The following RGS6 variants were observed in gnomAD, a reference collection of about 807,000 sequenced individuals.
RGS6 encodes regulator of G protein signaling 6, also known as regulator of G-protein signaling 6.
A neutral mutation model predicts 78.5 loss-of-function variants in RGS6; 30 were observed. That is an observed-to-expected ratio of 0.38 (90% CI 0.29 to 0.52). The LOEUF (loss-of-function observed/expected upper bound fraction) is 0.52. Ranked by LOEUF, RGS6 falls within the 20% of genes least tolerant of loss-of-function variation. The pLI, the probability that RGS6 is intolerant of heterozygous loss-of-function variation, is 0.85. For missense variants in RGS6, 495 were observed against 609.7 expected, an observed-to-expected ratio of 0.81 and a Z score of 1.98; for synonymous variants, 206 against 206.0, an observed-to-expected ratio of 1.00 and a Z score of 0.00.
At chr14:72,354,248 A>G (rs1386680646) in intron 3 of RGS6, among the ~76,000 whole-genome samples, 1 of 152,120 alleles carries the variant, frequency 6.6e-6, no homozygotes, top group Non-Finnish European at 1.5e-5. Context: ...GTCTGAGATC[A>G]GGTACCATCA....
intron 2 of RGS6, among the ~76,000 whole-genome samples, chr14:72,074,919 G>T (rs1256436030): frequency 2.0e-5 from 3 of 152,176 alleles, no homozygotes; most frequent in Non-Finnish European, 2.9e-5. Flanking sequence ...CTGACTCCAG[G>T]CCCTTTATTT....
the RGS6 span, among the ~76,000 whole-genome samples, chr14:72,572,675 T>A: frequency 0.012 from 1,812 of 152,282 alleles, 37 homozygotes; most frequent in African/African-American, 0.042. Context: ...TCACTGCTGA[T>A]GGGTATGGAG....
At chr14:72,187,175 T>A (rs1441097980) in intron 2 of RGS6, among the ~76,000 whole-genome samples, 2 of 152,330 alleles carry the variant, frequency 1.3e-5, no homozygotes, top group East Asian at 3.9e-4. Flanking sequence ...TTTAAAAAAA[T>A]CTACAGTTAA....
chr14:72,423,637 G>A (rs369723706), intron 3 of RGS6, among the ~76,000 whole-genome samples: 4 of 127,476 alleles, frequency 3.1e-5, no homozygotes, highest in Non-Finnish European at 4.7e-5. Flanking sequence ...TCATGGACAC[G>A]AAGATAATAG....
At chr14:72,324,675 G>C (rs998174181) in intron 2 of RGS6, among the ~76,000 whole-genome samples, 4 of 151,952 alleles carry the variant, frequency 2.6e-5, no homozygotes, top group African/African-American at 4.8e-5. Context: ...TCCCTACAAA[G>C]GACATGAACT....
chr14:72,344,348 G>T (rs929782954), intron 2 of RGS6, among the ~76,000 whole-genome samples: 5 of 152,182 alleles, frequency 3.3e-5, no homozygotes, highest in Admixed American at 1.3e-4. Flanking sequence ...GGCACAGAAC[G>T]TTGGGGAACT....
the RGS6 span, among the ~76,000 whole-genome samples, chr14:72,602,323 A>G: frequency 7.4e-4 from 112 of 152,316 alleles, no homozygotes; most frequent in Middle Eastern, 3.4e-3. Flanking sequence ...AGAGGATGGT[A>G]GGAGAAGGAT....
chr14:72,475,315 AGTG>A (rs2096211945), intron 10 of RGS6, among the ~76,000 whole-genome samples: 1 of 149,128 alleles, frequency 6.7e-6, no homozygotes, highest in African/African-American at 2.5e-5. Context: ...TCAAAGGAGT[AGTG>A]GTCACAGCAT....
At chr14:72,254,970 C>G (rs2056751098) in intron 2 of RGS6, among the ~76,000 whole-genome samples, 1 of 152,122 alleles carries the variant, frequency 6.6e-6, no homozygotes, top group South Asian at 2.1e-4. Context: ...ATGGTGAGGC[C>G]AGATGTGGAT....
intron 2 of RGS6, among the ~76,000 whole-genome samples, chr14:72,050,937 T>C (rs57062333): frequency 6.6e-6 from 1 of 152,216 alleles, no homozygotes. Context: ...ATTGTTTCAC[T>C]TTTGTAGAGG....
intron 17 of RGS6, chr14:72,541,211 C>G: frequency 1.4e-6 from 2 of 1,408,090 alleles, no homozygotes; most frequent in Non-Finnish European, 1.9e-6. Context: ...GAGGAAAATC[C>G]TTGTAAAACC....
chr14:72,216,387 T>C (rs1017016954), intron 2 of RGS6, among the ~76,000 whole-genome samples: 1 of 152,206 alleles, frequency 6.6e-6, no homozygotes, highest in Non-Finnish European at 1.5e-5. Context: ...TTGCCATTTA[T>C]CCTAGCTCCA....
intron 2 of RGS6, among the ~76,000 whole-genome samples, chr14:72,113,008 A>G (rs1213125469): frequency 6.6e-6 from 1 of 152,218 alleles, no homozygotes; most frequent in African/African-American, 2.4e-5. Context: ...AGTGGGGACC[A>G]CGGGAGGGGC....
At chr14:71,958,870 A>C (rs114187912) in intron 1 of RGS6, among the ~76,000 whole-genome samples, 140 of 152,264 alleles carry the variant, frequency 9.2e-4, no homozygotes, top group African/African-American at 3.1e-3. Flanking sequence ...GGGAACCGGG[A>C]GTATGTATAT....
At chr14:72,166,916 TTC>T (rs2096935689) in intron 2 of RGS6, among the ~76,000 whole-genome samples, 1 of 152,238 alleles carries the variant, frequency 6.6e-6, no homozygotes, top group African/African-American at 2.4e-5. Context: ...TTAATTCTCA[TTC>T]TCTCACTTGT....
chr14:72,112,667 G>A (rs2095795782), intron 2 of RGS6, among the ~76,000 whole-genome samples: 2 of 152,172 alleles, frequency 1.3e-5, no homozygotes, highest in Non-Finnish European at 2.9e-5. Flanking sequence ...TCCTATGCAT[G>A]AGGAATGTCA....
intron 2 of RGS6, among the ~76,000 whole-genome samples, chr14:72,348,892 C>G (rs927784499): frequency 2.0e-5 from 3 of 152,192 alleles, no homozygotes; most frequent in Non-Finnish European, 4.4e-5. Context: ...TATGGCCGGG[C>G]GTGGTGGCTC....
At position 72,270,470 on chromosome 14, in the gene RGS6, C is replaced by T. The variant is rs554215767; in HGVS notation, c.85-81625C>T. 1.8e-4 allele frequency among the ~76,000 whole-genome samples: 27 copies of T among 152,348 alleles called. No individual in the cohort carries two copies. In the South Asian group the frequency reaches 5.4e-3, roughly 30 times the overall value. ...CAGCCTTTCAGATGTCACCTGAGGA[C>T]GTTGCTACAATTAACATGCAGCCAG... On this transcript the variant is annotated intron_variant, in intron 2 of 17. Coordinates refer to ENST00000553525, the MANE Select transcript of RGS6 (RefSeq NM_001204424.2).
rs188846683 is a variant in RGS6 at position 72,392,317 on chromosome 14, G to C, written c.184+40123G>C. Among the ~76,000 whole-genome samples, 12 of 152,272 alleles carry C rather than the reference G, an allele frequency of 7.9e-5. No homozygotes were observed. The East Asian group carries it at 1.7e-3, about 22-fold the overall frequency. On this transcript the variant is annotated intron_variant, in intron 3 of 17. Coordinates refer to ENST00000553525, the MANE Select transcript of RGS6 (RefSeq NM_001204424.2). The stretch of plus-strand genomic sequence containing the variant: ...TTGGAGCTTGAAGTCCAAGAGGCAG[G>C]TGGTCAGCAGAGGAAGATGGATATG...
Sources: gnomAD v4.1 joint callset for allele counts (sites outside exome capture counted in the v4.1 genomes callset) on GRCh38, gnomAD v4.1.1 for gene constraint, MANE v1.5 for transcripts, NCBI Gene and HGNC (gene_info 2026-07-23, HGNC 2026-07-21) for gene names.